The following PDE10A variants were observed in gnomAD, a reference collection of about 807,000 sequenced individuals.
PDE10A encodes the protein phosphodiesterase 10A, also known as cAMP and cAMP-inhibited cGMP 3',5'-cyclic phosphodiesterase 10A.
A neutral mutation model predicts 97.7 loss-of-function variants in PDE10A; 39 were observed. The observed-to-expected ratio is 0.40, with a 90% CI of 0.31 to 0.52. The LOEUF is 0.52. Ranked by LOEUF, PDE10A falls within the 20% of genes least tolerant of loss-of-function variation. The pLI is 0.56. For synonymous variants in PDE10A, 371 were observed against 376.8 expected (o/e 0.98, Z 0.18); for missense variants, 731 against 1,047.8 (o/e 0.70, Z 4.17).
At chr6:165,866,923 G>A (rs1438689796) in intron 1 of PDE10A, among the ~76,000 whole-genome samples, 1 of 151,970 alleles carries the variant, frequency 6.6e-6, no homozygotes, top group African/African-American at 2.4e-5. Context: ...TTAGACTAGT[G>A]CTACAAGAAA....
intron 1 of PDE10A, among the ~76,000 whole-genome samples, chr6:165,638,962 T>C (rs1185948269): frequency 6.6e-6 from 1 of 151,580 alleles, no homozygotes; most frequent in East Asian, 1.9e-4. Context: ...CTGATTTTTA[T>C]AGTCTACAAA....
At chr6:165,771,448 C>T (rs1778006886) in intron 1 of PDE10A, among the ~76,000 whole-genome samples, 1 of 152,140 alleles carries the variant, frequency 6.6e-6, no homozygotes. Context: ...CCAGGGCTCA[C>T]ACGGCCAACA....
chr6:165,627,013 T>C (rs942782017), intron 1 of PDE10A, among the ~76,000 whole-genome samples: 1 of 152,198 alleles, frequency 6.6e-6, no homozygotes, highest in Non-Finnish European at 1.5e-5. Context: ...GAAAATGATA[T>C]TCACTGACCT....
At chr6:165,830,984 A>G (rs774856603) in intron 1 of PDE10A, among the ~76,000 whole-genome samples, 2 of 152,194 alleles carry the variant, frequency 1.3e-5, no homozygotes, top group Non-Finnish European at 2.9e-5. Context: ...CCAGGTGCCA[A>G]TCATCCTACT....
chr6:165,681,163 G>A (rs1373274034), intron 1 of PDE10A, among the ~76,000 whole-genome samples: 1 of 152,098 alleles, frequency 6.6e-6, no homozygotes, highest in Non-Finnish European at 1.5e-5. Flanking sequence ...GCGCTGCAAG[G>A]GGTAGTTCAC....
In PDE10A at chr6:165,655,499, A is replaced by C. The variant is rs1053375614; in HGVS notation, c.865+6448T>G. Among the ~76,000 whole-genome samples the C allele has an allele frequency of 7.0e-6, 1 of 141,934 alleles. No individual in the cohort carries two copies. The highest frequency in any genetic ancestry group is 2.7e-5 in the African/African-American group (1 of 36,928). 93.1% of individuals were successfully genotyped at this position (141,934 alleles called of 152,430 possible). The stretch of plus-strand genomic sequence containing the variant: ...TTCCTCTCTCTCCCTTGACGTCCCC[A>C]TATCCAACCCACCTGCAGGTCTTAT... On this transcript the variant is annotated intron_variant, in intron 1 of 21. Coordinates refer to ENST00000539869, the MANE Select transcript of PDE10A (RefSeq NM_001385079.1). The surrounding 1 kb of genome is among the most constrained non-coding windows in gnomAD (Gnocchi z 4.5).
intron 16 of PDE10A, among the ~76,000 whole-genome samples, chr6:165,390,985 G>A (rs939350078): frequency 3.9e-5 from 6 of 152,148 alleles, no homozygotes; most frequent in South Asian, 4.1e-4. Context: ...TGATGTACCT[G>A]ATAAGAAATC....
chr6:165,677,282 T>C (rs781006674), intron 1 of PDE10A, among the ~76,000 whole-genome samples: 32 of 152,192 alleles, frequency 2.1e-4, no homozygotes, highest in Non-Finnish European at 3.7e-4. Context: ...GCCTTCAGGC[T>C]CAAGCTGCAA....
intron 6 of PDE10A, among the ~76,000 whole-genome samples, chr6:165,433,965 C>T (rs542324565): frequency 3.7e-5 from 5 of 135,342 alleles, no homozygotes; most frequent in South Asian, 2.3e-4. Context: ...TGCAGTGAGC[C>T]GAGATCAAGC....
chr6:165,702,303 C>T (rs1791599655), intron 1 of PDE10A, among the ~76,000 whole-genome samples: 1 of 152,228 alleles, frequency 6.6e-6, no homozygotes, highest in African/African-American at 2.4e-5. Context: ...CCATTTCCTT[C>T]TCATACTGAC....
intron 1 of PDE10A, among the ~76,000 whole-genome samples, chr6:165,625,823 C>T (rs1788359694): frequency 6.6e-6 from 1 of 152,188 alleles, no homozygotes; most frequent in African/African-American, 2.4e-5. Flanking sequence ...TTATAAATTA[C>T]CCAGTCTCAG....
chr6:165,341,924 T>C (rs1216196931), intron 19 of PDE10A, among the ~76,000 whole-genome samples: 1 of 152,196 alleles, frequency 6.6e-6, no homozygotes. Context: ...AAGTGGATAC[T>C]TGTAACACTT....
chr6:165,952,876 C>T (rs1562323413), intron 1 of PDE10A, among the ~76,000 whole-genome samples: 1 of 151,074 alleles, frequency 6.6e-6, no homozygotes, highest in African/African-American at 2.4e-5. Context: ...AAAAAGGCCA[C>T]AGTGCATTCC....
At chr6:165,723,118 A>G (rs893818895) in intron 1 of PDE10A, among the ~76,000 whole-genome samples, 3 of 152,086 alleles carry the variant, frequency 2.0e-5, no homozygotes, top group African/African-American at 7.2e-5. Context: ...CTCACAATCT[A>G]GTTGTGGCCT....
At chr6:165,981,228 AC>A (rs1437519612) in intron 1 of PDE10A, among the ~76,000 whole-genome samples, 7 of 152,310 alleles carry the variant, frequency 4.6e-5, no homozygotes, top group Admixed American at 1.3e-4. Flanking sequence ...TTCTGCCAGT[AC>A]TAAAAAGAGA....
intron 5 of PDE10A, among the ~76,000 whole-genome samples, chr6:165,445,956 CA>C (rs1454249642): frequency 6.6e-6 from 1 of 151,128 alleles, no homozygotes; most frequent in East Asian, 1.9e-4. Flanking sequence ...AACACATAAG[CA>C]AAAAAGTCAC....
At chr6:165,794,648 C>A (rs896452704) in intron 1 of PDE10A, among the ~76,000 whole-genome samples, 1 of 152,152 alleles carries the variant, frequency 6.6e-6, no homozygotes, top group African/African-American at 2.4e-5. Flanking sequence ...CACACTCTCA[C>A]ACACATTCAC....
intron 13 of PDE10A, among the ~76,000 whole-genome samples, chr6:165,411,086 C>CAAAAAAAAAA (rs71026688): frequency 2.6e-4 from 11 of 43,078 alleles, no homozygotes; most frequent in South Asian, 1.1e-3. Flanking sequence ...GACTCCGCCT[C>CAAAAAAAAAA]AAAAAAAAAA....
intron 1 of PDE10A, among the ~76,000 whole-genome samples, chr6:165,897,757 G>T (rs1781996673): frequency 1.3e-5 from 2 of 151,798 alleles, no homozygotes; most frequent in South Asian, 2.1e-4. Context: ...ATGTGCCTGT[G>T]GGTGCCTTTT....
Sources: allele counts gnomAD v4.1 joint callset (sites outside exome capture counted in the v4.1 genomes callset), GRCh38; gene constraint gnomAD v4.1.1; non-coding constraint Gnocchi (gnomAD v3.1); transcripts MANE v1.5; gene names NCBI Gene and HGNC (gene_info 2026-07-23, HGNC 2026-07-21).